The following HSD17B11 variants were observed in gnomAD, a reference collection of about 807,000 sequenced individuals.
HSD17B11 encodes hydroxysteroid 17-beta dehydrogenase 11, also known as estradiol 17-beta-dehydrogenase 11.
A neutral mutation model predicts 27.8 loss-of-function variants in HSD17B11; 22 were observed. The ratio of observed to expected loss-of-function variants is 0.79; its 90% CI spans 0.56 to 1.13. The LOEUF is 1.13. HSD17B11 is among the 50% of genes most tolerant of loss of function. The probability of loss-of-function intolerance (pLI) is 0.00; values close to 1 mark genes in which losing one functional copy is unlikely to be tolerated. For synonymous variants in HSD17B11, 117 were observed against 132.8 expected (o/e 0.88, Z 0.82); for missense variants, 314 against 351.1 (o/e 0.89, Z 0.84).
chr4:87,344,263 G>A (rs1239564869), intron 5 of HSD17B11, among the ~76,000 whole-genome samples: 1 of 152,084 alleles, frequency 6.6e-6, no homozygotes, highest in Non-Finnish European at 1.5e-5. Context: ...AAAATAAATT[G>A]TGTTATATAT....
intron 4 of HSD17B11, chr4:87,365,820 T>C (rs1735604213): frequency 6.7e-6 from 1 of 149,008 alleles, no homozygotes; most frequent in Admixed American, 6.6e-5. Context: ...TGTTAAAGGA[T>C]TGTGTTAAGT....
chr4:87,363,177 C>CA (rs747712850), intron 4 of HSD17B11, among the ~76,000 whole-genome samples: 2 of 152,054 alleles, frequency 1.3e-5, no homozygotes, highest in Non-Finnish European at 2.9e-5. Context: ...GATGGTGCCA[C>CA]AAGCCCGATC....
Position 87,358,299 on chromosome 4 carries a change from TC to T in HSD17B11, c.558-884del, listed in dbSNP as rs567170368. Reference sequence around the variant, plus strand: ...TTAAAACATCTGTTTCCCACACCTTTCCTATAAGCTCCATGACTGTTTTGGT... The same window carrying T: ...TTAAAACATCTGTTTCCCACACCTTTCTATAAGCTCCATGACTGTTTTGGT... On this transcript the variant is annotated intron_variant, in intron 4 of 6. Coordinates refer to ENST00000358290, the MANE Select transcript of HSD17B11 (RefSeq NM_016245.5). Among the ~76,000 whole-genome samples the T allele has an allele frequency of 3.3e-3, 501 of 152,254 alleles. 2 individuals carry two copies. Among genetic ancestry groups the T allele is most frequent in the African/African-American group, 0.011 (463 of 41,548 alleles).
Position 87,391,169 on chromosome 4 carries a change from G to T in HSD17B11, c.-99C>A. ...TCGATCTAACACCAGAAAGAGTAGG[G>T]GCGAGAGCAAGGAGGAACTCCCGTA... On this transcript the variant is annotated 5_prime_UTR_variant, in exon 1 of 7. Transcript: ENST00000358290. 3 of 850,852 alleles carry T rather than the reference G, an allele frequency of 3.5e-6. No individual in the cohort carries two copies. 52.7% of individuals were successfully genotyped at this position (850,852 alleles called of 1,614,324 possible).
chr4:87,370,639 A>T (rs976330870), intron 4 of HSD17B11, among the ~76,000 whole-genome samples: 16 of 150,660 alleles, frequency 1.1e-4, no homozygotes, highest in Non-Finnish European at 1.6e-4. Context: ...GGATGGTCTC[A>T]ATCTCTTGAC....
At chr4:87,370,118 T>C (rs369312843) in intron 4 of HSD17B11, among the ~76,000 whole-genome samples, 9 of 152,274 alleles carry the variant, frequency 5.9e-5, no homozygotes, top group South Asian at 2.1e-4. Context: ...AGGACAATGA[T>C]AGATGAGGGC....
At chr4:87,345,827 A>G (rs1278829830) in intron 5 of HSD17B11, among the ~76,000 whole-genome samples, 1 of 152,190 alleles carries the variant, frequency 6.6e-6, no homozygotes, top group Non-Finnish European at 1.5e-5. Context: ...AGGAAAGAGG[A>G]GCCCAGGACT....
intron 5 of HSD17B11, among the ~76,000 whole-genome samples, chr4:87,355,765 G>A (rs115693389): frequency 4.6e-5 from 7 of 152,116 alleles, no homozygotes; most frequent in East Asian, 1.9e-4. Context: ...TTAGTTGGGC[G>A]TGGTCGTGCG....
chr4:87,369,384 TGGA>T (rs1735666642), intron 4 of HSD17B11, among the ~76,000 whole-genome samples: 1 of 152,068 alleles, frequency 6.6e-6, no homozygotes, highest in African/African-American at 2.4e-5. Context: ...TCAGATGTCT[TGGA>T]GGGCTGAAAA....
At chr4:87,374,402 CCTTT>C (rs1735778509) in intron 3 of HSD17B11, 6 of 209,138 alleles carry the variant, frequency 2.9e-5, no homozygotes, top group Admixed American at 1.8e-4. Context: ...GTCCCCAACT[CCTTT>C]CTTTATCTCT....
chr4:87,372,421 G>A (rs1735734864), intron 4 of HSD17B11, among the ~76,000 whole-genome samples: 1 of 151,776 alleles, frequency 6.6e-6, no homozygotes, highest in Non-Finnish European at 1.5e-5. Flanking sequence ...GTAATTTCTT[G>A]CTATTAAAAG....
chr4:87,361,920 CT>C (rs1224415392), intron 4 of HSD17B11, among the ~76,000 whole-genome samples: 4 of 152,200 alleles, frequency 2.6e-5, no homozygotes, highest in Non-Finnish European at 5.9e-5. Flanking sequence ...TGCAGAAACC[CT>C]GACCCTATGG....
intron 1 of HSD17B11, 147 bp from the exon 2 acceptor site, chr4:87,382,509 GGT>G: frequency 1.9e-6 from 1 of 515,928 alleles, no homozygotes; most frequent in Non-Finnish European, 3.4e-6. Flanking sequence ...ATTTTTGGCA[GGT>G]ATATAGGCAC....
intron 5 of HSD17B11, among the ~76,000 whole-genome samples, chr4:87,342,604 T>C (rs904625537): frequency 2.6e-5 from 4 of 151,916 alleles, no homozygotes; most frequent in South Asian, 2.1e-4. Flanking sequence ...GAATAATTCA[T>C]TCAGAAAAAA....
chr4:87,376,244 G>A (rs1466528011), intron 2 of HSD17B11, among the ~76,000 whole-genome samples: 5 of 152,042 alleles, frequency 3.3e-5, no homozygotes, highest in Non-Finnish European at 7.4e-5. Context: ...GGTGGCTCAC[G>A]CCTCTAATCC....
At chr4:87,365,104 G>A (rs1735591674) in intron 4 of HSD17B11, among the ~76,000 whole-genome samples, 1 of 152,218 alleles carries the variant, frequency 6.6e-6, no homozygotes, top group South Asian at 2.1e-4. Flanking sequence ...GGGAGGCAGA[G>A]GTTGCAGTGA....
intron 1 of HSD17B11, among the ~76,000 whole-genome samples, chr4:87,385,164 C>T (rs1254459161): frequency 6.6e-6 from 1 of 152,110 alleles, no homozygotes; most frequent in Non-Finnish European, 1.5e-5. Context: ...CTTTATTTTG[C>T]TCTCCTATAC....
chr4:87,374,899 A>ATT (rs369137917), intron 2 of HSD17B11, 69 bp from the exon 3 acceptor site: 19,437 of 943,356 alleles, frequency 0.021, 4 homozygotes, highest in Non-Finnish European at 0.023. Flanking sequence ...CACAATGGCT[A>ATT]TTTTTTTTTT....
At chr4:87,372,103 C>A (rs937931809) in intron 4 of HSD17B11, among the ~76,000 whole-genome samples, 1 of 151,926 alleles carries the variant, frequency 6.6e-6, no homozygotes, top group African/African-American at 2.4e-5. Flanking sequence ...AGTAGCCAGG[C>A]GTGGTGGCAG....
Sources: allele counts gnomAD v4.1 joint callset (sites outside exome capture counted in the v4.1 genomes callset), GRCh38; gene constraint gnomAD v4.1.1; transcripts MANE v1.5; gene names NCBI Gene and HGNC (gene_info 2026-07-23, HGNC 2026-07-21).